The following RANBP2 variants were observed in gnomAD, a reference collection of about 807,000 sequenced individuals.
RANBP2 encodes the protein E3 SUMO-protein ligase RanBP2.
A neutral mutation model predicts 303.6 loss-of-function variants in RANBP2; 57 were observed. The ratio of observed to expected loss-of-function variants is 0.19; its 90% CI spans 0.15 to 0.23. The LOEUF is 0.23. Ranked by LOEUF, RANBP2 falls within the 10% of genes least tolerant of loss-of-function variation. RANBP2 has a pLI of 1.00. For synonymous variants in RANBP2, 1,167 were observed against 1,301.5 expected, an observed-to-expected ratio of 0.90 and a Z score of 2.23; for missense variants, 3,138 against 3,780.8, an observed-to-expected ratio of 0.83 and a Z score of 4.46.
the RANBP2 span, among the ~76,000 whole-genome samples, chr2:109,294,589 T>TA: frequency 0.12 from 16,514 of 141,320 alleles, 1,057 homozygotes; most frequent in East Asian, 0.16. Flanking sequence ...AAAAAAAAGG[T>TA]AAAAAAAAAA....
the RANBP2 span, among the ~76,000 whole-genome samples, chr2:109,155,654 T>G: frequency 6.6e-6 from 1 of 152,182 alleles, no homozygotes; most frequent in African/African-American, 2.4e-5. Flanking sequence ...TTTCAAGCAG[T>G]GCCTGGCCTG....
the RANBP2 span, among the ~76,000 whole-genome samples, chr2:109,246,161 A>T: frequency 6.6e-6 from 1 of 152,216 alleles, no homozygotes; most frequent in Non-Finnish European, 1.5e-5. Flanking sequence ...TGTGAGGTTG[A>T]CAGAGGCTGC....
chr2:108,780,633 G>C (rs1389918152), intron 25 of RANBP2, among the ~76,000 whole-genome samples: 1 of 151,338 alleles, frequency 6.6e-6, no homozygotes, highest in Non-Finnish European at 1.5e-5. Flanking sequence ...AGGTTGAAGC[G>C]ATTCTTCTGC....
the RANBP2 span, among the ~76,000 whole-genome samples, chr2:108,902,056 G>A: frequency 6.6e-6 from 1 of 152,180 alleles, no homozygotes; most frequent in Non-Finnish European, 1.5e-5. Flanking sequence ...TGGCCAACAT[G>A]GTGAAACCCC....
At chr2:109,537,102 C>T in the RANBP2 span, among the ~76,000 whole-genome samples, 1 of 152,186 alleles carries the variant, frequency 6.6e-6, no homozygotes, top group Non-Finnish European at 1.5e-5. Flanking sequence ...AAGGGGATAA[C>T]TCTGGCCATC....
chr2:109,617,424 A>G, the RANBP2 span: 1 of 167,110 alleles, frequency 6.0e-6, no homozygotes, highest in Non-Finnish European at 1.5e-5. Context: ...TCATTCATTT[A>G]TATTAGAGTA....
At chr2:109,577,894 C>T in the RANBP2 span, among the ~76,000 whole-genome samples, 1 of 117,026 alleles carries the variant, frequency 8.5e-6, no homozygotes, top group African/African-American at 3.4e-5. Flanking sequence ...GCCTGGGTGA[C>T]GAAGTGAGAC....
chr2:108,761,466 C>T (rs1328760942), intron 18 of RANBP2, among the ~76,000 whole-genome samples: 13 of 152,234 alleles, frequency 8.5e-5, no homozygotes, highest in Non-Finnish European at 1.3e-4. Context: ...GGTAGTTTTG[C>T]CATTAACATG....
the RANBP2 span, among the ~76,000 whole-genome samples, chr2:109,189,384 T>C: frequency 2.0e-5 from 3 of 151,432 alleles, no homozygotes; most frequent in Non-Finnish European, 2.9e-5. Flanking sequence ...TTTTTTTTCT[T>C]TTTTTTGAGA....
the RANBP2 span, chr2:108,804,857 T>C: frequency 6.8e-7 from 1 of 1,478,394 alleles, no homozygotes; most frequent in Non-Finnish European, 8.9e-7. Flanking sequence ...CCTTACAAGT[T>C]TTAGATGAGA....
At chr2:109,335,160 G>T in the RANBP2 span, among the ~76,000 whole-genome samples, 1 of 152,208 alleles carries the variant, frequency 6.6e-6, no homozygotes, top group African/African-American at 2.4e-5. Flanking sequence ...CAGCATCCTG[G>T]GGTGTTACCT....
the RANBP2 span, among the ~76,000 whole-genome samples, chr2:109,380,750 C>A: frequency 1.3e-5 from 2 of 152,280 alleles, no homozygotes; most frequent in African/African-American, 4.8e-5. Context: ...TCTCACCCTG[C>A]CCACCTTAGC....
At chr2:109,633,772 A>C in the RANBP2 span, among the ~76,000 whole-genome samples, 1 of 152,198 alleles carries the variant, frequency 6.6e-6, no homozygotes, top group African/African-American at 2.4e-5. Context: ...CGTTGAAATG[A>C]GCATAGGTCA....
the RANBP2 span, among the ~76,000 whole-genome samples, chr2:109,638,845 G>C: frequency 6.6e-6 from 1 of 152,162 alleles, no homozygotes; most frequent in African/African-American, 2.4e-5. Context: ...TTGCTGAAGT[G>C]ATTCTCTTGT....
At chr2:108,912,630 C>G in the RANBP2 span, 1 of 1,508,986 alleles carries the variant, frequency 6.6e-7, no homozygotes, top group Non-Finnish European at 9.0e-7. Context: ...AGCTTTCATC[C>G]GAGTACCACC....
the RANBP2 span, among the ~76,000 whole-genome samples, chr2:109,120,252 G>T: frequency 1.3e-5 from 2 of 152,218 alleles, no homozygotes; most frequent in Non-Finnish European, 2.9e-5. Flanking sequence ...GGCCCAGCTG[G>T]CCTGGCTTAC....
At chr2:109,614,956 A>G in the RANBP2 span, 1 of 1,526,004 alleles carries the variant, frequency 6.6e-7, no homozygotes, top group Non-Finnish European at 8.8e-7. Flanking sequence ...CGCAGGAAGA[A>G]CTCGCGGCGC....
At chr2:108,850,370 A>G in the RANBP2 span, among the ~76,000 whole-genome samples, 1 of 152,208 alleles carries the variant, frequency 6.6e-6, no homozygotes, top group Non-Finnish European at 1.5e-5. Context: ...ATATAGATCT[A>G]TGAAGATAAT....
chr2:109,130,000 G>C, the RANBP2 span: 3 of 1,296,056 alleles, frequency 2.3e-6, no homozygotes, highest in Non-Finnish European at 2.9e-6. Flanking sequence ...GGGCGGCGGG[G>C]GCGGCGCGGC....
Sources: gnomAD v4.1 joint callset for allele counts (sites outside exome capture counted in the v4.1 genomes callset) on GRCh38, gnomAD v4.1.1 for gene constraint, MANE v1.5 for transcripts, NCBI Gene and HGNC (gene_info 2026-07-23, HGNC 2026-07-21) for gene names.